Variants in RYR2 observed in about 807,000 individuals in gnomAD.
The protein encoded by RYR2 is cardiac muscle ryanodine receptor-calcium release channel.
Under a neutral mutation model 601.1 loss-of-function variants are expected in RYR2, and 227 were observed. The observed-to-expected ratio is 0.38, with a 90% CI of 0.34 to 0.42. The LOEUF (loss-of-function observed/expected upper bound fraction) is 0.42, where lower values mean the gene tolerates loss of function less well. Ranked by LOEUF, RYR2 falls within the 10% of genes least tolerant of loss-of-function variation. RYR2 has a pLI of 1.00. For missense variants in RYR2, 4,646 were observed against 6,156.5 expected (o/e 0.75, Z 8.21); for synonymous variants, 2,223 against 2,175.1 (o/e 1.02, Z -0.61).
At chr1:237,645,426 G>A (rs1486318036) in intron 48 of RYR2, among the ~76,000 whole-genome samples, 1 of 152,064 alleles carries the variant, frequency 6.6e-6, no homozygotes, top group East Asian at 1.9e-4. Context: ...ATTTTCATTT[G>A]CTTAAGGAAA....
intron 42 of RYR2, among the ~76,000 whole-genome samples, chr1:237,632,380 A>G (rs929136308): frequency 2.0e-5 from 3 of 151,194 alleles, no homozygotes; most frequent in African/African-American, 7.3e-5. Flanking sequence ...TAGAATTCTA[A>G]AGTGAATTCT....
intron 96 of RYR2, 31 bp from the exon 97 acceptor site, chr1:237,798,006 G>A: frequency 6.3e-6 from 10 of 1,591,740 alleles, no homozygotes; most frequent in African/African-American, 1.3e-5. Context: ...AATGGTTGAA[G>A]CCAACAAAAT....
chr1:237,173,513 A>G lies in RYR2; in HGVS notation c.49-96984A>G, dbSNP rs572454485. Among the ~76,000 whole-genome samples the G allele has an allele frequency of 2.6e-4, 39 of 152,300 alleles. No homozygotes were observed. The South Asian group carries it at 8.1e-3, about 32-fold the overall frequency. ...GGTCAGCTGTTTGTGATTGTTAGTAATATTGAGATTGCTTTGAGAATACAC... is the reference window on the plus strand; with the variant it reads ...GGTCAGCTGTTTGTGATTGTTAGTAGTATTGAGATTGCTTTGAGAATACAC... On this transcript the variant is annotated intron_variant, in intron 1 of 104. Transcript: ENST00000366574.
In RYR2 at chr1:237,436,453, C is replaced by CATTTT. The variant is rs1491092540; in HGVS notation, c.1006-4866_1006-4865insATTTT. Among the ~76,000 whole-genome samples, 172 of 55,816 alleles carry CATTTT rather than the reference C, an allele frequency of 3.1e-3. 5 individuals are homozygous for CATTTT. The highest frequency in any genetic ancestry group is 4.2e-3 in the Non-Finnish European group (136 of 32,024). 36.6% of individuals were successfully genotyped at this position (55,816 alleles called of 152,430 possible). A position where few individuals can be genotyped will look rare whatever the true frequency, so the allele number is the denominator to read the frequency against. ...AAGCCGAGGGATAATGTGTGATTTT[C>CATTTT]CTTTTTTTTTTTTTTTTTTTTTTTT... On this transcript the variant is annotated intron_variant, in intron 12 of 104. Transcript: ENST00000366574.
intron 29 of RYR2, among the ~76,000 whole-genome samples, chr1:237,570,174 C>A (rs1202175197): frequency 2.0e-5 from 3 of 148,820 alleles, no homozygotes; most frequent in African/African-American, 7.4e-5. Flanking sequence ...GCAGAGATCA[C>A]GCCATGGCAC....
At chr1:237,397,645 C>T (rs1258983877) in intron 10 of RYR2, among the ~76,000 whole-genome samples, 1 of 151,990 alleles carries the variant, frequency 6.6e-6, no homozygotes, top group African/African-American at 2.4e-5. Context: ...AACCAGTACC[C>T]TGGGTCTGAG....
intron 44 of RYR2, 94 bp from the exon 45 acceptor site, chr1:237,638,263 G>T: frequency 6.5e-7 from 1 of 1,530,902 alleles, no homozygotes; most frequent in Non-Finnish European, 8.9e-7. Flanking sequence ...TTGTTTAAAA[G>T]CATCCTTTAA....
chr1:237,471,331 G>C (rs1291716881), intron 17 of RYR2: 1 of 152,168 alleles, frequency 6.6e-6, no homozygotes, highest in African/African-American at 2.4e-5. Flanking sequence ...ACATGATTTT[G>C]GGACTGCTCT....
At chr1:237,138,207 T>A (rs533666738) in intron 1 of RYR2, among the ~76,000 whole-genome samples, 2 of 152,140 alleles carry the variant, frequency 1.3e-5, no homozygotes, top group South Asian at 4.2e-4. Flanking sequence ...AATTTTTGTA[T>A]TTTTTGGTAG....
chr1:237,712,766 T>C (rs1432592115), intron 71 of RYR2, among the ~76,000 whole-genome samples: 1 of 152,232 alleles, frequency 6.6e-6, no homozygotes, highest in Non-Finnish European at 1.5e-5. Flanking sequence ...TTGTTTTCTC[T>C]GTCACTCGTA....
At chr1:237,727,399 CTCTT>C (rs1481683235) in intron 76 of RYR2, among the ~76,000 whole-genome samples, 200 bp downstream of exon 76, 2 of 152,222 alleles carry the variant, frequency 1.3e-5, no homozygotes, top group East Asian at 3.9e-4. Flanking sequence ...TATTAAATGA[CTCTT>C]ACTGAGGAAT....
intron 1 of RYR2, among the ~76,000 whole-genome samples, chr1:237,056,028 G>A (rs1661977961): frequency 6.6e-6 from 1 of 150,750 alleles, no homozygotes; most frequent in African/African-American, 2.4e-5. Flanking sequence ...GAGGACTGGA[G>A]CACTGCACCT....
chr1:237,160,373 G>A (rs997533149), intron 1 of RYR2, among the ~76,000 whole-genome samples: 2 of 151,996 alleles, frequency 1.3e-5, no homozygotes, highest in African/African-American at 4.8e-5. Context: ...TATTTCTTTA[G>A]TATTGCTTCT....
chr1:237,780,570 T>A (rs1404018154), intron 88 of RYR2, among the ~76,000 whole-genome samples: 1 of 152,244 alleles, frequency 6.6e-6, no homozygotes, highest in Non-Finnish European at 1.5e-5. Flanking sequence ...GATGTAAGTA[T>A]GATCCGTATT....
chr1:237,641,874 A>G (rs943873616), intron 47 of RYR2, among the ~76,000 whole-genome samples: 6 of 152,156 alleles, frequency 3.9e-5, no homozygotes, highest in African/African-American at 1.4e-4. Context: ...TTTTGACCCA[A>G]ATGAAATTAA....
At chr1:237,453,299 G>T (rs1452352522) in intron 14 of RYR2, among the ~76,000 whole-genome samples, 1 of 152,032 alleles carries the variant, frequency 6.6e-6, no homozygotes, top group Admixed American at 6.6e-5. Flanking sequence ...TAAAATAGTT[G>T]TACAGTTTTA....
chr1:237,558,779 C>T (rs1671164127), intron 27 of RYR2, among the ~76,000 whole-genome samples: 1 of 152,018 alleles, frequency 6.6e-6, no homozygotes, highest in Admixed American at 6.6e-5. Context: ...GCCTCTGAAG[C>T]TCTGCTTGTC....
chr1:237,395,564 T>TTTTTTTTTTTTTTGG (rs1400077755), intron 10 of RYR2, among the ~76,000 whole-genome samples: 1 of 77,632 alleles, frequency 1.3e-5, no homozygotes, highest in African/African-American at 5.9e-5. Context: ...TTTTTTTTTT[T>TTTTTTTTTTTTTTGG]GAGACAGAGT....
chr1:237,506,396 G>A (rs1158244062), intron 22 of RYR2, among the ~76,000 whole-genome samples: 1 of 151,992 alleles, frequency 6.6e-6, no homozygotes, highest in African/African-American at 2.4e-5. Flanking sequence ...AAATTAGCCG[G>A]GCGTAGTGGT....
Sources: allele counts gnomAD v4.1 joint callset (sites outside exome capture counted in the v4.1 genomes callset), GRCh38; gene constraint gnomAD v4.1.1; transcripts MANE v1.5; gene names NCBI Gene and HGNC (gene_info 2026-07-23, HGNC 2026-07-21).